Variants in PEDS1 observed in about 807,000 individuals in gnomAD.
PEDS1 encodes the protein plasmanylethanolamine desaturase 1.
Under a neutral mutation model 35.2 loss-of-function variants are expected in PEDS1, and 14 were observed. That is an observed-to-expected ratio of 0.40 (90% CI 0.26 to 0.62). PEDS1 has a LOEUF of 0.62. Among genes scored for constraint, PEDS1 ranks in the 20% least tolerant of loss-of-function variants. The probability of loss-of-function intolerance (pLI) is 0.44; values close to 1 mark genes in which losing one functional copy is unlikely to be tolerated. For missense variants in PEDS1, 260 were observed against 367.8 expected, an observed-to-expected ratio of 0.71 and a Z score of 2.40; for synonymous variants, 152 against 152.0, an observed-to-expected ratio of 1.00 and a Z score of 0.00.
intron 2 of PEDS1, among the ~76,000 whole-genome samples, chr20:50,135,809 C>T (rs555358613): frequency 2.0e-5 from 3 of 152,208 alleles, no homozygotes; most frequent in South Asian, 2.1e-4. Flanking sequence ...TTTATTTAAA[C>T]GGATTCAGAT....
Position 50,121,872 on chromosome 20 carries a change from G to T in PEDS1, c.*3186C>A, listed in dbSNP as rs1198334457. On this transcript the variant is annotated 3_prime_UTR_variant, in exon 6 of 6. Transcript: ENST00000371652. ...ACCACAGTGGTGAGGCTACTCCTAT[G>T]GCCTCTAAAGAATTTAGCTGCCTGT... The T allele has an allele frequency of 6.6e-6, 1 of 152,102 alleles. No individual in the cohort carries two copies. Among genetic ancestry groups the T allele is most frequent in the East Asian group, 1.9e-4 (1 of 5,194 alleles). 9.4% of individuals were successfully genotyped at this position (152,102 alleles called of 1,614,324 possible). A position where few individuals can be genotyped will look rare whatever the true frequency, so the allele number is the denominator to read the frequency against.
intron 2 of PEDS1, among the ~76,000 whole-genome samples, chr20:50,131,570 T>C (rs2081180587): frequency 6.6e-6 from 1 of 150,832 alleles, no homozygotes; most frequent in Admixed American, 6.6e-5. Flanking sequence ...TGCAGTGAGC[T>C]GAGATCACAC....
chr20:50,150,066 C>A (rs546915567), intron 1 of PEDS1, among the ~76,000 whole-genome samples: 1 of 152,106 alleles, frequency 6.6e-6, no homozygotes, highest in South Asian at 2.1e-4. Flanking sequence ...GGCCTAACCC[C>A]GATCAGGGTG....
intron 2 of PEDS1, chr20:50,131,190 G>A: frequency 1.1e-6 from 1 of 910,750 alleles, no homozygotes; most frequent in Non-Finnish European, 1.7e-6. Context: ...AGCATAAACT[G>A]GGCATGCTCA....
intron 1 of PEDS1, among the ~76,000 whole-genome samples, chr20:50,150,974 G>A (rs1021463126): frequency 6.6e-6 from 1 of 152,158 alleles, no homozygotes; most frequent in Admixed American, 6.6e-5. Flanking sequence ...AGGATTACGG[G>A]TGTGAGCCAC....
rs2081061750 is a variant in PEDS1 at position 50,122,771 on chromosome 20, ATTAC to A, written c.*2283_*2286del. 6.6e-6 allele frequency: 1 copy of A among 152,116 alleles called. No individual in the cohort carries two copies. Among genetic ancestry groups the A allele is most frequent in the African/African-American group, 2.4e-5 (1 of 41,408 alleles). The allele number at this position is 152,116 out of a possible 1,614,324, so 9.4% of individuals were successfully genotyped here. A position where few individuals can be genotyped will look rare whatever the true frequency, so the allele number is the denominator to read the frequency against. On this transcript the variant is annotated 3_prime_UTR_variant, in exon 6 of 6. Transcript: ENST00000371652. ...CCTAGTTCATAGGAGATGCCTTATAATTACTTATTCAACAAATAAACAAGTTACT... is the reference window on the plus strand; with the variant it reads ...CCTAGTTCATAGGAGATGCCTTATAATTATTCAACAAATAAACAAGTTACT...
Position 50,124,556 on chromosome 20 carries a change from AG to A in PEDS1, c.*501del, listed in dbSNP as rs1431732221. 6.4e-6 allele frequency: 1 copy of A among 155,442 alleles called. No homozygotes were observed. Among genetic ancestry groups the A allele is most frequent in the African/African-American group, 2.4e-5 (1 of 41,512 alleles). The allele number at this position is 155,442 out of a possible 1,614,324, so 9.6% of individuals were successfully genotyped here. ...CTGAGCTTCACCATCCTTGGGGGAC[AG>A]GCTAGGCTGAAGGTGGTGGCTGGGG... On this transcript the variant is annotated 3_prime_UTR_variant, in exon 6 of 6. Transcript: ENST00000371652.
intron 2 of PEDS1, among the ~76,000 whole-genome samples, chr20:50,141,818 C>T (rs1413169594): frequency 2.0e-5 from 3 of 152,206 alleles, no homozygotes; most frequent in Admixed American, 6.5e-5. Context: ...CCAGCTGGTC[C>T]GGCCCCCGTC....
At position 50,120,608 on chromosome 20, in the gene PEDS1, G is replaced by T. The variant is rs923475730; in HGVS notation, c.*4450C>A. On this transcript the variant is annotated 3_prime_UTR_variant, in exon 6 of 6. Coordinates refer to ENST00000371652, the MANE Select transcript of PEDS1 (RefSeq NM_199129.4). ...CCAACACTTAGGAAGGCTGAGGTGGGCCGATCGCTTGAGCTCAGGCGTTCG... is the reference window on the plus strand; with the variant it reads ...CCAACACTTAGGAAGGCTGAGGTGGTCCGATCGCTTGAGCTCAGGCGTTCG... 6.6e-6 allele frequency: 1 copy of T among 152,020 alleles called. No individual in the cohort carries two copies. Among genetic ancestry groups the T allele is most frequent in the Non-Finnish European group, 1.5e-5 (1 of 68,066 alleles). The allele number at this position is 152,020 out of a possible 1,614,324, so 9.4% of individuals were successfully genotyped here. A position where few individuals can be genotyped will look rare whatever the true frequency, so the allele number is the denominator to read the frequency against.
intron 2 of PEDS1, chr20:50,131,163 G>A (rs1484231618): frequency 4.3e-6 from 5 of 1,156,476 alleles, no homozygotes; most frequent in East Asian, 5.1e-5. Flanking sequence ...AGACTCATGT[G>A]CTTGGAGAGT....
intron 2 of PEDS1, 113 bp from the exon 3 acceptor site, chr20:50,131,060 T>C: frequency 6.3e-7 from 1 of 1,575,660 alleles, no homozygotes; most frequent in Non-Finnish European, 8.6e-7. Context: ...AGGTGTCCCT[T>C]CTTCTCTAGT....
chr20:50,134,387 A>G (rs983837527), intron 2 of PEDS1, among the ~76,000 whole-genome samples: 3 of 152,178 alleles, frequency 2.0e-5, no homozygotes, highest in African/African-American at 7.2e-5. Context: ...CTCTACAAAA[A>G]ACACAAAAAA....
rs2081129810 is a variant in PEDS1 at position 50,128,022 on chromosome 20, C to T, written c.644G>A (p.Arg215His). 5 of 1,614,162 alleles carry T rather than the reference C, an allele frequency of 3.1e-6. No homozygotes were observed. Among genetic ancestry groups the T allele is most frequent in the South Asian group, 1.1e-5 (1 of 91,084 alleles). ...WHVILPRKHH[R>H]IHHVSPHETY... ...CTCGTGGGGTGAGACGTGGTGGATG[C>T]GATGGTGTTTACGTGGCAGGATGAC... Residue 215 changes from arginine to histidine, a missense_variant, in exon 5 of 6, where the codon CGC becomes CAC. Physicochemically the swap from Arg to His is conservative, Grantham distance 29 (BLOSUM62 0). This residue lies in a region of PEDS1 where 83 missense variants were observed against 142.8 expected (regional missense o/e 0.58). Coordinates refer to ENST00000371652, the MANE Select transcript of PEDS1 (RefSeq NM_199129.4). The surrounding 1 kb of genome is among the most constrained non-coding windows in gnomAD (Gnocchi z 5.2).
At chr20:50,126,454 G>GT (rs1314845735) in intron 5 of PEDS1, among the ~76,000 whole-genome samples, 2 of 152,068 alleles carry the variant, frequency 1.3e-5, no homozygotes, top group South Asian at 2.1e-4. Flanking sequence ...GAAAAAGAAT[G>GT]TTTTTTTGTG....
rs146751574 is a variant in PEDS1, at chr20:50,129,559, G to A, written c.465C>T (p.Arg155=). 5.8e-5 allele frequency: 93 copies of A among 1,614,056 alleles called. No homozygotes were observed. Among genetic ancestry groups the A allele is most frequent in the Non-Finnish European group, 6.5e-5 (77 of 1,180,014 alleles). The change falls in exon 4 of 6, where the codon CGC becomes CGT. Residue 155 remains arginine, a synonymous_variant. Transcript: ENST00000371652. The surrounding 1 kb of genome is among the most constrained non-coding windows in gnomAD (Gnocchi z 4.2). ...TGGGTGTCTCACCAGGGCTGTGGGTGCGGAACTTGTAGGCCATGTTTAGCA... is the reference window on the plus strand; with the variant it reads ...TGGGTGTCTCACCAGGGCTGTGGGTACGGAACTTGTAGGCCATGTTTAGCA... ...LPLLNMAYKF[R]THSPEALEQL...
At chr20:50,131,554 G>A (rs568965238) in intron 2 of PEDS1, among the ~76,000 whole-genome samples, 2 of 152,078 alleles carry the variant, frequency 1.3e-5, no homozygotes, top group South Asian at 2.1e-4. Flanking sequence ...CTCGGGAGGC[G>A]GAGGTTGCAG....
chr20:50,145,181 G>A (rs571136807), intron 1 of PEDS1, among the ~76,000 whole-genome samples: 62 of 151,896 alleles, frequency 4.1e-4, no homozygotes, highest in African/African-American at 1.2e-3. Flanking sequence ...CAGCCTGGGC[G>A]GCAGAGTGAG....
intron 2 of PEDS1, among the ~76,000 whole-genome samples, chr20:50,141,196 C>A (rs575615593): frequency 2.9e-4 from 44 of 152,366 alleles, no homozygotes; most frequent in African/African-American, 1.0e-3. Flanking sequence ...CAACTGAGAG[C>A]CAGGCAGGTC....
chr20:50,129,658 A>G lies in PEDS1; in HGVS notation c.366T>C (p.Ile122=), dbSNP rs150113902. The G allele has an allele frequency of 1.4e-5, 23 of 1,613,890 alleles. No homozygotes were observed. Among genetic ancestry groups the G allele is most frequent in the African/African-American group, 4.0e-5 (3 of 74,862 alleles). The change falls in exon 4 of 6, where the codon ATT becomes ATC. Residue 122 remains isoleucine (I), a synonymous_variant. Coordinates refer to ENST00000371652, the MANE Select transcript of PEDS1 (RefSeq NM_199129.4). This position sits in a 1 kb window ranked among gnomAD's most constrained non-coding sequence, Gnocchi z 4.2. ...CGTGCCGTGTGATAGCTGTCGGGTC[A>G]ATGTGGTGCTCCCGGAAGGGTCGGA... is the stretch of plus-strand genomic sequence containing the variant. ...AFIRPFREHH[I]DPTAITRHDF... is the part of the protein sequence containing the mutation.
Sources: allele counts gnomAD v4.1 joint callset (sites outside exome capture counted in the v4.1 genomes callset), GRCh38; gene constraint gnomAD v4.1.1; regional missense constraint gnomAD v4.1.1; non-coding constraint Gnocchi (gnomAD v3.1); transcripts MANE v1.5; gene names NCBI Gene and HGNC (gene_info 2026-07-23, HGNC 2026-07-21).